LARS2: variants seen among roughly 807,000 people sequenced by gnomAD.
LARS2 encodes the protein leucyl-tRNA synthetase 2, mitochondrial.
A neutral mutation model predicts 116.6 loss-of-function variants in LARS2; 81 were observed. The observed-to-expected ratio is 0.69, with a 90% CI of 0.58 to 0.84. The LOEUF (loss-of-function observed/expected upper bound fraction) is 0.84, where lower values mean the gene tolerates loss of function less well. LARS2 is among the 40% of genes least tolerant of loss of function. LARS2 has a pLI of 0.00. For missense variants in LARS2, 968 were observed against 1,114.5 expected, an observed-to-expected ratio of 0.87 and a Z score of 1.87; for synonymous variants, 396 against 407.2, an observed-to-expected ratio of 0.97 and a Z score of 0.33.
intron 8 of LARS2, among the ~76,000 whole-genome samples, chr3:45,473,468 T>C (rs1699561070): frequency 6.6e-6 from 1 of 151,492 alleles, no homozygotes; most frequent in African/African-American, 2.4e-5. Context: ...CACTGCAACC[T>C]CTGCTTCAGG....
chr3:45,407,756 A>T (rs1227760958), intron 4 of LARS2, among the ~76,000 whole-genome samples: 2 of 152,134 alleles, frequency 1.3e-5, no homozygotes, highest in Non-Finnish European at 2.9e-5. Context: ...TTTTGTTTTG[A>T]TGAAAGGGAG....
chr3:45,511,309 C>CCCT (rs1478553596), intron 15 of LARS2, among the ~76,000 whole-genome samples: 1 of 152,142 alleles, frequency 6.6e-6, no homozygotes, highest in Non-Finnish European at 1.5e-5. Flanking sequence ...GGAAAGCCTC[C>CCCT]CATGTGGACA....
intron 4 of LARS2, among the ~76,000 whole-genome samples, chr3:45,413,847 A>G (rs895172534): frequency 2.6e-5 from 4 of 152,204 alleles, no homozygotes; most frequent in African/African-American, 4.8e-5. Flanking sequence ...CTGGGATTGC[A>G]AGATGCACCT....
intron 7 of LARS2, among the ~76,000 whole-genome samples, chr3:45,447,662 A>G (rs1005369010): frequency 5.3e-5 from 8 of 152,322 alleles, no homozygotes; most frequent in South Asian, 2.1e-4. Flanking sequence ...TCAGCCAAAT[A>G]AACTTCTATC....
At chr3:45,493,538 C>A (rs1699960624) in intron 13 of LARS2, among the ~76,000 whole-genome samples, 1 of 152,136 alleles carries the variant, frequency 6.6e-6, no homozygotes, top group Non-Finnish European at 1.5e-5. Flanking sequence ...AGACCTTGGA[C>A]AAGGTTCTTA....
At chr3:45,451,809 A>T (rs1699133967) in intron 7 of LARS2, among the ~76,000 whole-genome samples, 1 of 152,122 alleles carries the variant, frequency 6.6e-6, no homozygotes, top group Admixed American at 6.5e-5. Flanking sequence ...TGTGCATTTT[A>T]ACAATATTCT....
In LARS2 at chr3:45,491,524, G is replaced by A. The variant is rs1165323341; in HGVS notation, c.1247G>A (p.Gly416Asp). 2.5e-6 allele frequency: 4 copies of A among 1,613,974 alleles called. No individual in the cohort carries two copies. Among genetic ancestry groups the A allele is most frequent in the Non-Finnish European group, 2.5e-6 (3 of 1,179,984 alleles). The change falls in exon 13 of 22, where the codon GGT becomes GAT. Residue 416 changes from glycine (G) to aspartate (D), a missense_variant. Physicochemically the swap from Gly to Asp is moderately conservative, Grantham distance 94. Coordinates refer to ENST00000645846, the MANE Select transcript of LARS2 (RefSeq NM_015340.4). ...CTTTTCTTTCCCTGTCAGTTCACAG[G>A]TATGACCCGGCAGGATGCTTTTCTA... ...ERLSSSAEFT[G>D]MTRQDAFLAL... is the part of the protein sequence containing the mutation.
intron 20 of LARS2, among the ~76,000 whole-genome samples, chr3:45,540,052 G>T (rs1032902686): frequency 6.6e-6 from 1 of 152,170 alleles, no homozygotes; most frequent in Non-Finnish European, 1.5e-5. Flanking sequence ...GAGATCAGGA[G>T]TTCGAGACCA....
At chr3:45,409,323 T>C (rs1698287829) in intron 4 of LARS2, among the ~76,000 whole-genome samples, 1 of 152,180 alleles carries the variant, frequency 6.6e-6, no homozygotes. Flanking sequence ...AAGAAAGGAA[T>C]TGGAATTCTA....
chr3:45,496,544 C>T (rs1006695606), intron 14 of LARS2, among the ~76,000 whole-genome samples, 171 bp downstream of exon 14: 8 of 152,148 alleles, frequency 5.3e-5, no homozygotes, highest in Non-Finnish European at 1.5e-5. Flanking sequence ...CACGATGGAG[C>T]TGTGACAGGT....
chr3:45,538,423 G>A (rs1700743137), intron 20 of LARS2: 1 of 152,236 alleles, frequency 6.6e-6, no homozygotes. Flanking sequence ...CACAGGACCA[G>A]CTCACTAAAA....
At chr3:45,390,547 C>T (rs1184184087) in intron 1 of LARS2, among the ~76,000 whole-genome samples, 1 of 151,652 alleles carries the variant, frequency 6.6e-6, no homozygotes, top group Non-Finnish European at 1.5e-5. Flanking sequence ...CTCCTGACCT[C>T]GTGATCTGCC....
chr3:45,458,904 G>A lies in LARS2; in HGVS notation c.750+18G>A. On this transcript the variant is annotated intron_variant, in intron 8 of 21. Coordinates refer to ENST00000645846, the MANE Select transcript of LARS2 (RefSeq NM_015340.4). ...ATGCAAAGGTGAGTGTCAGCCTGGA[G>A]GCTCCCCACTAATGCCTTACATGCT... 1 of 1,613,390 alleles carries A rather than the reference G, an allele frequency of 6.2e-7. No individual in the cohort carries two copies. The highest frequency in any genetic ancestry group is 8.5e-7 in the Non-Finnish European group (1 of 1,179,450).
chr3:45,443,456 T>C (rs141653813), intron 6 of LARS2, among the ~76,000 whole-genome samples: 34 of 152,358 alleles, frequency 2.2e-4, no homozygotes, highest in African/African-American at 6.7e-4. Context: ...AAGTGGTGTC[T>C]GTTCCCAACT....
At chr3:45,473,642 C>T (rs1699564134) in intron 8 of LARS2, among the ~76,000 whole-genome samples, 1 of 150,832 alleles carries the variant, frequency 6.6e-6, no homozygotes. Flanking sequence ...CCTCAGCCTG[C>T]CAAAGTGCTG....
At chr3:45,528,071 T>C (rs1248307444) in intron 20 of LARS2, among the ~76,000 whole-genome samples, 1 of 152,204 alleles carries the variant, frequency 6.6e-6, no homozygotes, top group Non-Finnish European at 1.5e-5. Flanking sequence ...GTGCAGTGGC[T>C]CACGCTTGTA....
intron 6 of LARS2, among the ~76,000 whole-genome samples, chr3:45,441,521 G>A (rs956431200): frequency 1.3e-5 from 2 of 152,230 alleles, no homozygotes; most frequent in Non-Finnish European, 2.9e-5. Flanking sequence ...AAGTCAGATG[G>A]CTCCAGGGTC....
chr3:45,491,885 C>A, intron 13 of LARS2, 85 bp downstream of exon 13: 1 of 1,292,826 alleles, frequency 7.7e-7, no homozygotes, highest in Non-Finnish European at 1.1e-6. Context: ...CCTCCTGGTG[C>A]TAACTCTGCT....
intron 7 of LARS2, among the ~76,000 whole-genome samples, chr3:45,452,543 G>C (rs1490082003): frequency 3.3e-5 from 5 of 152,110 alleles, no homozygotes; most frequent in African/African-American, 7.2e-5. Context: ...AATCCCTGTT[G>C]ATCATGGTGA....
Sources: gnomAD v4.1 joint callset for allele counts (sites outside exome capture counted in the v4.1 genomes callset) on GRCh38, gnomAD v4.1.1 for gene constraint, MANE v1.5 for transcripts, NCBI Gene and HGNC (gene_info 2026-07-23, HGNC 2026-07-21) for gene names.